The following GRAMD4 variants were observed in gnomAD, a reference collection of about 807,000 sequenced individuals.
GRAMD4 encodes the protein GRAM domain containing 4.
In GRAMD4, 25 loss-of-function variants were observed where a neutral mutation model predicts 83.9. The observed-to-expected ratio is 0.30, with a 90% CI of 0.22 to 0.42. GRAMD4 has a LOEUF of 0.42. GRAMD4 is among the 10% of genes least tolerant of loss of function. The pLI is 1.00. For synonymous variants in GRAMD4, 336 were observed against 320.9 expected (o/e 1.05, Z -0.50); for missense variants, 593 against 788.7 (o/e 0.75, Z 2.97).
upstream of GRAMD4, among the ~76,000 whole-genome samples, chr22:46,616,657 T>C (rs1446182478): frequency 2.4e-5 from 3 of 126,642 alleles, no homozygotes; most frequent in Non-Finnish European, 3.3e-5. Context: ...TGTGTGTACG[T>C]TCCCCTGTGT....
At chr22:46,576,091 A>C (rs2081040728), upstream of GRAMD4, 1 of 152,576 alleles carries the variant, frequency 6.6e-6, no homozygotes, top group East Asian at 2.0e-4. Context: ...CAGTGAGTTG[A>C]GGGCAGGGCA....
upstream of GRAMD4, among the ~76,000 whole-genome samples, chr22:46,576,665 G>C (rs1482010282): frequency 6.6e-6 from 1 of 152,140 alleles, no homozygotes; most frequent in Non-Finnish European, 1.5e-5. Flanking sequence ...GGCGCCCCGC[G>C]AGGCGGTCGA....
rs557189435 is a variant in GRAMD4 at position 46,677,962 on chromosome 22, C to T, written c.*711C>T. On this transcript the variant is annotated 3_prime_UTR_variant, in exon 19 of 19. Coordinates refer to ENST00000406902, the MANE Select transcript of GRAMD4 (RefSeq NM_015124.5). The stretch of plus-strand genomic sequence containing the variant: ...TGCTGGCCTCCAGGGCGCTCAGCAC[C>T]GCGTCTGTAAGGGCCTGCCTGCTGC... 18 of 985,402 alleles carry T rather than the reference C, an allele frequency of 1.8e-5. No homozygotes were observed. Among genetic ancestry groups the T allele is most frequent in the East Asian group, 2.3e-4 (2 of 8,820 alleles). The allele number at this position is 985,402 out of a possible 1,614,324, so 61.0% of individuals were successfully genotyped here. A position where few individuals can be genotyped will look rare whatever the true frequency, so the allele number is the denominator to read the frequency against.
At chr22:46,609,915 T>C (rs564975481) in intron 1 of GRAMD4, among the ~76,000 whole-genome samples, 89 of 152,338 alleles carry the variant, frequency 5.8e-4, no homozygotes, top group Middle Eastern at 6.8e-3. Flanking sequence ...GACGGGGGCC[T>C]ACACTGGTGG....
At chr22:46,603,527 T>C (rs1468387862) in intron 1 of GRAMD4, among the ~76,000 whole-genome samples, 1 of 128,944 alleles carries the variant, frequency 7.8e-6, no homozygotes, top group Non-Finnish European at 1.7e-5. Context: ...TTTTTTTTTT[T>C]TTTTTTTGAG....
downstream of GRAMD4, chr22:46,682,373 G>C (rs187055917): frequency 1.1e-6 from 1 of 947,406 alleles, no homozygotes; most frequent in Non-Finnish European, 1.3e-6. Context: ...GTTACTATCT[G>C]TAAATGATAT....
At chr22:46,673,646 C>G (rs748636913) in intron 14 of GRAMD4, 24 bp from the exon 15 acceptor site, 1 of 1,606,754 alleles carries the variant, frequency 6.2e-7, no homozygotes, top group South Asian at 1.1e-5. Context: ...CGGGCCTGAC[C>G]TCGACGCTGT....
At position 46,670,891 on chromosome 22, in the gene GRAMD4, C is replaced by G. The variant is rs558562791; in HGVS notation, c.1085-1952C>G. 5.2e-4 allele frequency among the ~76,000 whole-genome samples: 79 copies of G among 150,612 alleles called. 1 individual carries two copies. The highest frequency in any genetic ancestry group is 6.1e-4 in the Non-Finnish European group (41 of 67,324). ...GTGCTAGGATTCCAGGCGTGAGCCA[C>G]TGCGCCCGGCCCCTGCTGTCCTTTT... On this transcript the variant is annotated intron_variant, in intron 13 of 18. Transcript: ENST00000406902.
intron 3 of GRAMD4, among the ~76,000 whole-genome samples, chr22:46,638,910 T>C (rs1184132602): frequency 6.6e-6 from 1 of 152,170 alleles, no homozygotes; most frequent in Admixed American, 6.5e-5. Flanking sequence ...GCCAGTGCCT[T>C]TGCCAGAAGG....
rs1405821292 is a variant in GRAMD4 at position 46,663,068 on chromosome 22, C to T, written c.495C>T (p.Arg165=). The change falls in exon 6 of 19, where the codon CGC becomes CGT. Residue 165 remains arginine (R), a synonymous_variant. Coordinates refer to ENST00000406902, the MANE Select transcript of GRAMD4 (RefSeq NM_015124.5). The part of the protein sequence containing the change: ...AERRSQGLSS[R]LQKWFYERFG... ...GCCGGAGCCAGGGGCTGTCCTCGCG[C>T]CTGCAGAAGTGGTTCTACGAGCGGT... 4 of 1,612,168 alleles carry T rather than the reference C, an allele frequency of 2.5e-6. No homozygotes were observed. The highest frequency in any genetic ancestry group is 3.4e-6 in the Non-Finnish European group (4 of 1,179,436).
Position 46,663,842 on chromosome 22 carries a change from A to T in GRAMD4, c.604A>T (p.Thr202Ser). Reference sequence around the variant, plus strand: ...ATCTCTCCCCTTCTCTCTTAGGTTAACTGAAAATATGAGACGGCTCAGTGA... The same window carrying T: ...ATCTCTCCCCTTCTCTCTTAGGTTATCTGAAAATATGAGACGGCTCAGTGA... ...TEEPLSARRL[T>S]ENMRRLKRGA... The change falls in exon 7 of 19, where the codon ACT becomes TCT. Residue 202 changes from threonine (T) to serine (S), a missense_variant. Transcript: ENST00000406902. 6.2e-7 allele frequency: 1 copy of T among 1,613,360 alleles called. No individual in the cohort carries two copies. Among genetic ancestry groups the T allele is most frequent in the Non-Finnish European group, 8.5e-7 (1 of 1,179,924 alleles).
In GRAMD4 at chr22:46,674,674, C is replaced by T. The variant is rs765462301; in HGVS notation, c.1402C>T (p.Arg468Cys). ...RPLAVCENGW[R>C]CCLINRDRKM... ...CCCATTAGTGTGCGAGAATGGCTGG[C>T]GCTGCTGCCTCATCAACAGGGACCG... Residue 468 changes from arginine to cysteine, a missense_variant, in exon 16 of 19, where the codon CGC becomes TGC. Physicochemically the swap from Arg to Cys is radical, Grantham distance 180 (BLOSUM62 -3). Coordinates refer to ENST00000406902, the MANE Select transcript of GRAMD4 (RefSeq NM_015124.5). The T allele has an allele frequency of 3.1e-6, 5 of 1,610,394 alleles. No homozygotes were observed. Among genetic ancestry groups the T allele is most frequent in the African/African-American group, 1.3e-5 (1 of 75,006 alleles).
chr22:46,631,947 G>C (rs542701804), intron 2 of GRAMD4, among the ~76,000 whole-genome samples: 1 of 146,806 alleles, frequency 6.8e-6, no homozygotes, highest in Non-Finnish European at 1.5e-5. Context: ...GACCGGGGAT[G>C]GGTAGAACCT....
At position 46,679,183 on chromosome 22, in the gene GRAMD4, G is replaced by A. The variant is rs1488663345; in HGVS notation, c.*1932G>A. On this transcript the variant is annotated 3_prime_UTR_variant, in exon 19 of 19. Coordinates refer to ENST00000406902, the MANE Select transcript of GRAMD4 (RefSeq NM_015124.5). The stretch of plus-strand genomic sequence containing the variant: ...GGCAGTGCCCAAGGATGGGTCCGGG[G>A]CCTCGGGGCCAATGAGCGCCTCTTC... 2.7e-5 allele frequency: 27 copies of A among 985,424 alleles called. No individual in the cohort carries two copies. The highest frequency in any genetic ancestry group is 3.1e-5 in the Non-Finnish European group (26 of 829,996). The allele number at this position is 985,424 out of a possible 1,614,324, so 61.0% of individuals were successfully genotyped here.
intron 8 of GRAMD4, among the ~76,000 whole-genome samples, chr22:46,664,596 C>G (rs1396121072): frequency 6.6e-6 from 1 of 152,220 alleles, no homozygotes; most frequent in Admixed American, 6.5e-5. Flanking sequence ...GAAAAGGTGC[C>G]CAGCCGTCCT....
At position 46,594,703 on chromosome 22, in the gene GRAMD4, C is replaced by T. The variant is rs530103657; in HGVS notation, c.-50+17413C>T. ...TCCTGCCCTGGGGGGCTAGGAGGGC[C>T]GGACTGGAGATGGAGGCTGGGGCTG... On this transcript the variant is annotated intron_variant, in intron 1 of 1. Coordinates refer to the GRAMD4 transcript ENST00000431155. 1.4e-3 allele frequency among the ~76,000 whole-genome samples: 217 copies of T among 151,326 alleles called. 1 individual carries two copies. Among genetic ancestry groups the T allele is most frequent in the African/African-American group, 3.8e-3 (156 of 41,192 alleles).
chr22:46,585,125 G>A (rs1248514690), intron 1 of GRAMD4, among the ~76,000 whole-genome samples: 2 of 152,136 alleles, frequency 1.3e-5, no homozygotes, highest in African/African-American at 4.8e-5. Context: ...TCGTCTGCTG[G>A]TTTGTCGGCG....
intron 3 of GRAMD4, 132 bp from the exon 4 acceptor site, chr22:46,658,055 C>G: frequency 9.3e-7 from 1 of 1,077,902 alleles, no homozygotes; most frequent in Non-Finnish European, 1.4e-6. Context: ...GGAGGAAGGT[C>G]AGGTGCTCAG....
At chr22:46,630,604 GC>G (rs1037139009) in intron 2 of GRAMD4, among the ~76,000 whole-genome samples, 1 of 152,234 alleles carries the variant, frequency 6.6e-6, no homozygotes, top group African/African-American at 2.4e-5. Context: ...TGTTCTGACC[GC>G]CCCTCTCAGT....
Sources: allele counts gnomAD v4.1 joint callset (sites outside exome capture counted in the v4.1 genomes callset), GRCh38; gene constraint gnomAD v4.1.1; transcripts MANE v1.5; gene names NCBI Gene and HGNC (gene_info 2026-07-23, HGNC 2026-07-21).